SOX6: variants seen among roughly 807,000 people sequenced by gnomAD.
The protein encoded by SOX6 is SRY-box transcription factor 6, also known as transcription factor SOX-6.
In SOX6, 11 loss-of-function variants were observed where a neutral mutation model predicts 97.8. The observed-to-expected ratio is 0.11, with a 90% CI of 0.07 to 0.19. The LOEUF (loss-of-function observed/expected upper bound fraction) is 0.19. Among genes scored for constraint, SOX6 ranks in the 10% least tolerant of loss-of-function variants. The pLI, the probability that SOX6 is intolerant of heterozygous loss-of-function variation, is 1.00. For synonymous variants in SOX6, 360 were observed against 371.4 expected (o/e 0.97, Z 0.35); for missense variants, 810 against 1,039.5 (o/e 0.78, Z 3.04).
intron 1 of SOX6, among the ~76,000 whole-genome samples, chr11:16,409,299 A>AAG (rs1858748193): frequency 1.3e-5 from 2 of 151,902 alleles, no homozygotes; most frequent in Admixed American, 6.6e-5. Flanking sequence ...CAAAAAAAAA[A>AAG]AAAACAGGCA....
intron 12 of SOX6, among the ~76,000 whole-genome samples, chr11:16,018,813 T>A (rs1564909817): frequency 1.3e-5 from 2 of 152,038 alleles, no homozygotes; most frequent in Non-Finnish European, 2.9e-5. Flanking sequence ...TATTTTATAG[T>A]GTCATTAAAT....
At chr11:16,516,198 T>G (rs887763825) in intron 4 of SOX6, among the ~76,000 whole-genome samples, 8 of 151,364 alleles carry the variant, frequency 5.3e-5, no homozygotes, top group East Asian at 2.0e-4. Context: ...TGTTCTTCCA[T>G]TTGTTTGTAT....
chr11:16,179,500 T>C (rs771666527), intron 6 of SOX6, among the ~76,000 whole-genome samples: 10 of 151,852 alleles, frequency 6.6e-5, no homozygotes, highest in Non-Finnish European at 1.3e-4. Context: ...ATTTCAACAT[T>C]TAAAAGAAAA....
chr11:16,706,154 A>T (rs1358680988), intron 3 of SOX6, among the ~76,000 whole-genome samples: 1 of 151,702 alleles, frequency 6.6e-6, no homozygotes, highest in East Asian at 1.9e-4. Context: ...ATATTGTGAG[A>T]GGAGGCTGGG....
intron 9 of SOX6, among the ~76,000 whole-genome samples, chr11:16,071,566 C>A (rs376060996): frequency 1.3e-5 from 2 of 151,990 alleles, no homozygotes; most frequent in African/African-American, 4.8e-5. Context: ...GCAGGGCAGG[C>A]AACTCCACTG....
chr11:16,270,526 A>T (rs1854219964), intron 3 of SOX6, among the ~76,000 whole-genome samples: 1 of 151,290 alleles, frequency 6.6e-6, no homozygotes, highest in Non-Finnish European at 1.5e-5. Context: ...TGAAAATATG[A>T]ATTCAGATAC....
chr11:16,472,378 A>G (rs1197507032), intron 1 of SOX6, among the ~76,000 whole-genome samples: 2 of 152,224 alleles, frequency 1.3e-5, no homozygotes, highest in African/African-American at 2.4e-5. Flanking sequence ...TCAGATTTCC[A>G]GTAGAATAAG....
intron 7 of SOX6, among the ~76,000 whole-genome samples, chr11:16,101,729 G>A (rs1302528617): frequency 6.6e-6 from 1 of 151,450 alleles, no homozygotes; most frequent in Non-Finnish European, 1.5e-5. Context: ...TTAACATATG[G>A]AAATCAATAC....
intron 13 of SOX6, among the ~76,000 whole-genome samples, chr11:16,013,036 T>A (rs1854778913): frequency 6.6e-6 from 1 of 152,026 alleles, no homozygotes; most frequent in African/African-American, 2.4e-5. Flanking sequence ...AGTTAATAAC[T>A]CTGACCATGA....
chr11:16,475,204 A>G (rs1247632474), intron 1 of SOX6, among the ~76,000 whole-genome samples: 1 of 152,200 alleles, frequency 6.6e-6, no homozygotes, highest in Non-Finnish European at 1.5e-5. Flanking sequence ...CATATCAGCA[A>G]TAAGGCTATT....
At chr11:16,638,872 C>G (rs1848841404) in intron 3 of SOX6, among the ~76,000 whole-genome samples, 1 of 152,108 alleles carries the variant, frequency 6.6e-6, no homozygotes, top group Non-Finnish European at 1.5e-5. Flanking sequence ...TGTAGGTTAC[C>G]TGTTCACTCT....
intron 6 of SOX6, among the ~76,000 whole-genome samples, chr11:16,162,596 C>A (rs1296380049): frequency 1.3e-5 from 2 of 152,178 alleles, no homozygotes; most frequent in Non-Finnish European, 2.9e-5. Context: ...CCACCTTTGA[C>A]TTCCGTCATG....
intron 4 of SOX6, among the ~76,000 whole-genome samples, chr11:16,212,021 A>T (rs1852246148): frequency 6.6e-6 from 1 of 152,174 alleles, no homozygotes; most frequent in South Asian, 2.1e-4. Context: ...TTCAGGTAGA[A>T]ATGTACAGTA....
chr11:16,238,909 T>C (rs1040165932), intron 3 of SOX6, among the ~76,000 whole-genome samples: 4 of 152,280 alleles, frequency 2.6e-5, no homozygotes, highest in South Asian at 4.1e-4. Flanking sequence ...AAGCAATTCC[T>C]TTTATTTTTA....
chr11:16,080,912 C>T (rs1358288985), intron 9 of SOX6, among the ~76,000 whole-genome samples: 1 of 151,892 alleles, frequency 6.6e-6, no homozygotes, highest in Non-Finnish European at 1.5e-5. Context: ...CATAGGGAGA[C>T]CCTGTCTCTA....
intron 3 of SOX6, among the ~76,000 whole-genome samples, chr11:16,258,446 C>T (rs1853763280): frequency 6.6e-6 from 1 of 151,798 alleles, no homozygotes; most frequent in African/African-American, 2.4e-5. Context: ...GTGAAAAAAG[C>T]CAATCTCATA....
chr11:16,419,504 G>T lies in SOX6; in HGVS notation c.-5+56811C>A, dbSNP rs536134775. Among the ~76,000 whole-genome samples, 8 of 151,384 alleles carry T rather than the reference G, an allele frequency of 5.3e-5. No homozygotes were observed. In the South Asian group the frequency reaches 1.7e-3, roughly 32 times the overall value. ...CAAAAGAGATACAGTTCAAGGATTA[G>T]ACCTGAAAACCATAGTGAGAAATTT... On this transcript the variant is annotated intron_variant, in intron 1 of 15. Coordinates refer to the SOX6 transcript ENST00000396356.
At chr11:16,143,447 C>T (rs1314307573) in intron 6 of SOX6, among the ~76,000 whole-genome samples, 2 of 152,092 alleles carry the variant, frequency 1.3e-5, no homozygotes, top group Admixed American at 6.6e-5. Context: ...CATCAACTAA[C>T]GAGCAAAATA....
Position 16,066,601 on chromosome 11 carries a change from A to G in SOX6, c.1102-10700T>C, listed in dbSNP as rs562771636. ...AAATGAGATTGTCATTTGCAACAAC[A>G]TGATGGAACTGGAGGTCATTATGCC... On this transcript the variant is annotated intron_variant, in intron 9 of 15. Coordinates refer to ENST00000683767, the MANE Select transcript of SOX6 (RefSeq NM_001367873.1). Among the ~76,000 whole-genome samples the G allele has an allele frequency of 1.6e-3, 251 of 152,320 alleles. 1 individual carries two copies. The highest frequency in any genetic ancestry group is 4.9e-3 in the Admixed American group (75 of 15,298).
Sources: gnomAD v4.1 joint callset for allele counts (sites outside exome capture counted in the v4.1 genomes callset) on GRCh38, gnomAD v4.1.1 for gene constraint, MANE v1.5 for transcripts, NCBI Gene and HGNC (gene_info 2026-07-23, HGNC 2026-07-21) for gene names.